Variants in ARPC1B observed in about 807,000 individuals in gnomAD.
ARPC1B encodes actin related protein 2/3 complex subunit 1B.
In ARPC1B, 29 loss-of-function variants were observed where a neutral mutation model predicts 46.0. That is an observed-to-expected ratio of 0.63 (90% CI 0.47 to 0.86). The LOEUF is 0.86. ARPC1B is among the 40% of genes least tolerant of loss of function. The probability of loss-of-function intolerance (pLI) is 0.00; values close to 1 mark genes in which losing one functional copy is unlikely to be tolerated. For synonymous variants in ARPC1B, 201 were observed against 213.9 expected (o/e 0.94, Z 0.53); for missense variants, 469 against 529.4 (o/e 0.89, Z 1.12).
chr7:99,393,117 T>C (rs967157291), intron 8 of ARPC1B, among the ~76,000 whole-genome samples: 1 of 152,074 alleles, frequency 6.6e-6, no homozygotes, highest in African/African-American at 2.4e-5. Flanking sequence ...GGCGCCGTAC[T>C]AAAACCGCGT....
chr7:99,380,217 C>T (rs1003471328), intron 1 of ARPC1B, among the ~76,000 whole-genome samples: 5 of 152,128 alleles, frequency 3.3e-5, no homozygotes, highest in African/African-American at 9.7e-5. Flanking sequence ...GGAGTGTCCC[C>T]GGCTAGAATC....
chr7:99,393,541 G>A (rs115791717), intron 8 of ARPC1B, among the ~76,000 whole-genome samples: 121 of 152,164 alleles, frequency 8.0e-4, no homozygotes, highest in African/African-American at 2.6e-3. Flanking sequence ...TCTAGGGTGG[G>A]ATGGGGAAGA....
intron 4 of ARPC1B, 91 bp from the exon 5 acceptor site, chr7:99,389,814 G>C: frequency 9.3e-7 from 1 of 1,074,998 alleles, no homozygotes; most frequent in Non-Finnish European, 1.4e-6. Flanking sequence ...GGGCTGCAGG[G>C]AGCAGTGGGA....
At chr7:99,387,736 C>CAAAA (rs35192470) in intron 3 of ARPC1B, among the ~76,000 whole-genome samples, 2 of 61,402 alleles carry the variant, frequency 3.3e-5, no homozygotes, top group Non-Finnish European at 7.0e-5. Flanking sequence ...GACTCTGTCT[C>CAAAA]AAAAAAAAAA....
intron 4 of ARPC1B, 136 bp from the exon 5 acceptor site, chr7:99,389,769 G>C (rs1430556951): frequency 1.3e-6 from 1 of 751,874 alleles, no homozygotes; most frequent in East Asian, 2.5e-5. Context: ...TTGTGGGCTG[G>C]CAATGCCCAG....
intron 4 of ARPC1B, chr7:99,388,639 C>CTTT (rs780480361): frequency 3.7e-5 from 6 of 160,154 alleles, no homozygotes; most frequent in South Asian, 1.6e-4. Flanking sequence ...CATCTTGTTC[C>CTTT]TTTTTTTTTT....
At chr7:99,385,814 C>T in intron 2 of ARPC1B, 36 bp downstream of exon 2, 2 of 1,586,066 alleles carry the variant, frequency 1.3e-6, no homozygotes, top group Admixed American at 3.6e-5. Context: ...GTGGCTGCTT[C>T]CACCTCCTGG....
intron 1 of ARPC1B, among the ~76,000 whole-genome samples, chr7:99,384,567 CCTT>C (rs1357079416): frequency 6.6e-6 from 1 of 152,228 alleles, no homozygotes; most frequent in Non-Finnish European, 1.5e-5. Context: ...AAATCTCCCT[CCTT>C]CAGTTCCCCA....
At chr7:99,377,835 G>A (rs775413260) in intron 1 of ARPC1B, among the ~76,000 whole-genome samples, 10 of 151,808 alleles carry the variant, frequency 6.6e-5, no homozygotes, top group Non-Finnish European at 1.3e-4. Flanking sequence ...GTTTTACCAT[G>A]TTGGGCAGGC....
At chr7:99,386,936 T>G (rs995482630) in intron 3 of ARPC1B, 147 bp downstream of exon 3, 31 of 659,690 alleles carry the variant, frequency 4.7e-5, no homozygotes, top group Non-Finnish European at 7.9e-5. Context: ...TTAAGGGGAC[T>G]GTGTTGGCTC....
chr7:99,393,953 G>T (rs535140913), intron 8 of ARPC1B, 76 bp from the exon 9 acceptor site: 13 of 1,469,288 alleles, frequency 8.8e-6, no homozygotes, highest in African/African-American at 4.1e-5. Context: ...AAGTCTGGGA[G>T]CGCCTGGTGG....
In ARPC1B at chr7:99,394,103, G is replaced by GT; in HGVS notation, c.1065dup (p.Ile356TyrfsTer102). On this transcript the variant is annotated frameshift_variant, in exon 9 of 10. Transcript: ENST00000646101. LOFTEE classifies it high-confidence loss of function. ...ACCACTGGCATGGATGGCGGCATGA[G>GT]TATCTGGGATGTGAAGGTGAGGCTT... 2 of 1,613,658 alleles carry GT rather than the reference G, an allele frequency of 1.2e-6. No homozygotes were observed. Among genetic ancestry groups the GT allele is most frequent in the Non-Finnish European group, 1.7e-6 (2 of 1,180,022 alleles).
chr7:99,375,782 G>A (rs1349706510), intron 1 of ARPC1B, among the ~76,000 whole-genome samples: 1 of 152,188 alleles, frequency 6.6e-6, no homozygotes, highest in Non-Finnish European at 1.5e-5. Flanking sequence ...ATAAAATGTA[G>A]CCAGGCGCTG....
chr7:99,390,693 T>C (rs1176505884), intron 5 of ARPC1B, among the ~76,000 whole-genome samples, 200 bp from the exon 6 acceptor site: 1 of 151,396 alleles, frequency 6.6e-6, no homozygotes, highest in Non-Finnish European at 1.5e-5. Flanking sequence ...TGTTAACCCT[T>C]TAAAAAAAAT....
At chr7:99,375,414 C>T (rs747321906) in intron 1 of ARPC1B, among the ~76,000 whole-genome samples, 18 of 152,302 alleles carry the variant, frequency 1.2e-4, no homozygotes, top group Non-Finnish European at 2.1e-4. Context: ...GCCTGGCTGG[C>T]GGGGTCCCGG....
chr7:99,390,790 TG>T, intron 5 of ARPC1B, 102 bp from the exon 6 acceptor site: 3 of 1,028,044 alleles, frequency 2.9e-6, no homozygotes, highest in South Asian at 1.5e-5. Context: ...CTTGACCTCC[TG>T]GGTTCAAGCA....
At position 99,394,128 on chromosome 7, in the gene ARPC1B, T is replaced by A. The variant is rs756404415; in HGVS notation, c.1080+9T>A. On this transcript the variant is annotated intron_variant, in intron 9 of 9. Coordinates refer to ENST00000646101, the MANE Select transcript of ARPC1B (RefSeq NM_005720.4). ...GTATCTGGGATGTGAAGGTGAGGCT[T>A]GCCCCTCCTGGCTTCCCGCCATGCC... 6.2e-7 allele frequency: 1 copy of A among 1,612,734 alleles called. No homozygotes were observed. Among genetic ancestry groups the A allele is most frequent in the East Asian group, 2.2e-5 (1 of 44,882 alleles).
chr7:99,393,007 G>A (rs1055781427), intron 8 of ARPC1B, 131 bp downstream of exon 8: 8 of 1,015,932 alleles, frequency 7.9e-6, no homozygotes, highest in Non-Finnish European at 1.1e-5. Flanking sequence ...GGGACCCGGA[G>A]GGAGGGTAGG....
At chr7:99,393,870 G>A (rs1157201190) in intron 8 of ARPC1B, among the ~76,000 whole-genome samples, 159 bp from the exon 9 acceptor site, 1 of 152,134 alleles carries the variant, frequency 6.6e-6, no homozygotes, top group Non-Finnish European at 1.5e-5. Context: ...GCATGCCACT[G>A]TCCCCAAGGC....
Sources: allele counts gnomAD v4.1 joint callset (sites outside exome capture counted in the v4.1 genomes callset), GRCh38; gene constraint gnomAD v4.1.1; transcripts MANE v1.5; gene names NCBI Gene and HGNC (gene_info 2026-07-23, HGNC 2026-07-21).